Variants in PARVA observed in about 807,000 individuals in gnomAD.
PARVA encodes parvin alpha, also known as alpha-parvin.
Under a neutral mutation model 52.6 loss-of-function variants are expected in PARVA, and 25 were observed. The observed-to-expected ratio is 0.48, with a 90% CI of 0.35 to 0.66. The LOEUF (loss-of-function observed/expected upper bound fraction) is 0.66, where lower values mean the gene tolerates loss of function less well. PARVA is among the 30% of genes least tolerant of loss of function. The pLI is 0.01. For missense variants in PARVA, 373 were observed against 450.9 expected (o/e 0.83, Z 1.56); for synonymous variants, 185 against 179.1 (o/e 1.03, Z -0.26).
intron 4 of PARVA, among the ~76,000 whole-genome samples, chr11:12,489,111 G>A (rs889157401): frequency 2.6e-5 from 4 of 151,468 alleles, no homozygotes; most frequent in African/African-American, 4.9e-5. Flanking sequence ...GATTGCTTGA[G>A]CCCAGGAGTT....
At chr11:12,448,482 A>G (rs976120982) in intron 1 of PARVA, among the ~76,000 whole-genome samples, 1 of 152,204 alleles carries the variant, frequency 6.6e-6, no homozygotes, top group African/African-American at 2.4e-5. Flanking sequence ...GACATTGGGT[A>G]AGGGTGCTTG....
intron 1 of PARVA, among the ~76,000 whole-genome samples, chr11:12,378,216 C>T (rs1394311576): frequency 6.6e-6 from 1 of 152,208 alleles, no homozygotes; most frequent in African/African-American, 2.4e-5. Flanking sequence ...TTCCTGGGCG[C>T]CGTCGCTCTT....
At position 12,422,346 on chromosome 11, in the gene PARVA, A is replaced by G. The variant is rs564731573; in HGVS notation, c.136+44563A>G. Among the ~76,000 whole-genome samples the G allele has an allele frequency of 2.6e-5, 4 of 152,272 alleles. No homozygotes were observed. In the South Asian group the frequency reaches 8.3e-4, roughly 32 times the overall value. ...TCTCTTTTTTGAGCATTTCTTCAAG[A>G]TATAGTCCCTAAAGAAGAATTAAGG... On this transcript the variant is annotated intron_variant, in intron 1 of 12. Transcript: ENST00000334956.
intron 10 of PARVA, 113 bp from the exon 11 acceptor site, chr11:12,517,497 C>T: frequency 1.3e-6 from 1 of 769,410 alleles, no homozygotes; most frequent in Non-Finnish European, 2.2e-6. Flanking sequence ...GAGCTAGCAG[C>T]CTGGCTGGGG....
chr11:12,472,033 G>C (rs983957965), intron 1 of PARVA, among the ~76,000 whole-genome samples: 1 of 152,236 alleles, frequency 6.6e-6, no homozygotes, highest in African/African-American at 2.4e-5. Flanking sequence ...TTCTAGGGGA[G>C]ATATTAGAAG....
intron 1 of PARVA, among the ~76,000 whole-genome samples, chr11:12,460,951 C>T (rs953756667): frequency 8.5e-5 from 13 of 152,124 alleles, no homozygotes; most frequent in Middle Eastern, 3.2e-3. Context: ...TGGAAGAGTA[C>T]GCTGCTCTCA....
At chr11:12,459,424 A>G (rs1373058963) in intron 1 of PARVA, among the ~76,000 whole-genome samples, 1 of 151,780 alleles carries the variant, frequency 6.6e-6, no homozygotes, top group East Asian at 1.9e-4. Flanking sequence ...AGAAAAAGAG[A>G]AGAAAGAAAA....
At chr11:12,456,197 G>A (rs1292791710) in intron 1 of PARVA, among the ~76,000 whole-genome samples, 2 of 152,226 alleles carry the variant, frequency 1.3e-5, no homozygotes, top group Non-Finnish European at 2.9e-5. Flanking sequence ...CTGAGAAAAG[G>A]CAGGGAAAGG....
chr11:12,493,292 G>A, intron 4 of PARVA, among the ~76,000 whole-genome samples: 1 of 151,416 alleles, frequency 6.6e-6, no homozygotes, highest in South Asian at 2.1e-4. Flanking sequence ...GGAGGCAGAG[G>A]TTGCAGTAAG....
intron 4 of PARVA, among the ~76,000 whole-genome samples, chr11:12,484,420 A>G (rs1941129985): frequency 6.6e-6 from 1 of 152,000 alleles, no homozygotes; most frequent in African/African-American, 2.4e-5. Context: ...GTAACATGTG[A>G]CTGAAACAGG....
At chr11:12,400,695 T>C (rs1939814687) in intron 1 of PARVA, among the ~76,000 whole-genome samples, 1 of 152,074 alleles carries the variant, frequency 6.6e-6, no homozygotes, top group Non-Finnish European at 1.5e-5. Context: ...GAGTTGGGCC[T>C]ATTTTGTAAG....
rs1448682872 is a variant in PARVA at position 12,532,376 on chromosome 11, T to G, written c.*4451T>G. 6.6e-6 allele frequency among the ~76,000 whole-genome samples: 1 copy of G among 152,184 alleles called. No homozygotes were observed. The highest frequency in any genetic ancestry group is 2.4e-5 in the African/African-American group (1 of 41,450). On this transcript the variant is annotated 3_prime_UTR_variant, in exon 13 of 13. Transcript: ENST00000334956. ...TCAGAGTCCCCTACATAATGCGTAT[T>G]AGGACTTTCTAAGGGAAGACGGGGT... is the stretch of plus-strand genomic sequence containing the variant.
At chr11:12,497,341 A>T (rs1941310766) in intron 5 of PARVA, among the ~76,000 whole-genome samples, 1 of 152,222 alleles carries the variant, frequency 6.6e-6, no homozygotes, top group African/African-American at 2.4e-5. Flanking sequence ...ATAAAAGATT[A>T]GATTAGACTG....
intron 1 of PARVA, among the ~76,000 whole-genome samples, chr11:12,463,938 C>A (rs771900021): frequency 1.1e-4 from 17 of 149,682 alleles, no homozygotes; most frequent in Middle Eastern, 7.1e-3. Flanking sequence ...CTTTGGCCAG[C>A]TCTTTCAATC....
intron 12 of PARVA, among the ~76,000 whole-genome samples, chr11:12,524,011 G>T (rs1464642221): frequency 5.3e-5 from 8 of 152,200 alleles, no homozygotes; most frequent in Admixed American, 5.2e-4. Context: ...GGTGATAAGT[G>T]ATAGGCAGTG....
intron 5 of PARVA, 88 bp downstream of exon 5, chr11:12,496,686 G>A: frequency 7.3e-6 from 10 of 1,366,878 alleles, no homozygotes. Flanking sequence ...CATAAGCTTG[G>A]CAGGCTTCAG....
intron 4 of PARVA, among the ~76,000 whole-genome samples, chr11:12,491,690 A>G (rs1377942289): frequency 6.6e-6 from 1 of 152,238 alleles, no homozygotes; most frequent in Non-Finnish European, 1.5e-5. Flanking sequence ...GTACTTTTGT[A>G]TATCAAATAT....
chr11:12,390,088 T>G (rs1939635799), intron 1 of PARVA, among the ~76,000 whole-genome samples: 1 of 152,150 alleles, frequency 6.6e-6, no homozygotes, highest in Non-Finnish European at 1.5e-5. Flanking sequence ...GGGGCTTGGC[T>G]GGGGGCCTGT....
chr11:12,442,368 G>T (rs1209688180), intron 1 of PARVA, among the ~76,000 whole-genome samples: 2 of 152,286 alleles, frequency 1.3e-5, no homozygotes, highest in East Asian at 3.9e-4. Flanking sequence ...CAAATGTAAG[G>T]TATGGTATTC....
Sources: gnomAD v4.1 joint callset for allele counts (sites outside exome capture counted in the v4.1 genomes callset) on GRCh38, gnomAD v4.1.1 for gene constraint, MANE v1.5 for transcripts, NCBI Gene and HGNC (gene_info 2026-07-23, HGNC 2026-07-21) for gene names.